FA2H: variants seen among roughly 807,000 people sequenced by gnomAD.
The protein encoded by FA2H is fatty acid alpha-hydroxylase.
A neutral mutation model predicts 44.9 loss-of-function variants in FA2H; 22 were observed. The observed-to-expected ratio is 0.49, with a 90% CI of 0.35 to 0.70. FA2H has a LOEUF of 0.70. Ranked by LOEUF, FA2H falls within the 30% of genes least tolerant of loss-of-function variation. FA2H has a pLI of 0.01. For missense variants in FA2H, 501 were observed against 504.9 expected, an observed-to-expected ratio of 0.99 and a Z score of 0.07; for synonymous variants, 243 against 213.2, an observed-to-expected ratio of 1.14 and a Z score of -1.22.
chr16:74,718,885 G>T, intron 5 of FA2H, 103 bp downstream of exon 5: 1 of 1,382,746 alleles, frequency 7.2e-7, no homozygotes, highest in Non-Finnish European at 1.0e-6. Context: ...CCAACCCACA[G>T]CCAGACTCCC....
chr16:74,713,977 C>T lies in FA2H; in HGVS notation c.*213G>A, dbSNP rs1961632584. On this transcript the variant is annotated 3_prime_UTR_variant, in exon 7 of 7. Coordinates refer to ENST00000219368, the MANE Select transcript of FA2H (RefSeq NM_024306.5). ...CAGGAAGAAGTGGGTCACCAAGGGC[C>T]ACCTGGCCACCAAGTGGATGTGACC... The T allele has an allele frequency of 7.0e-6, 4 of 574,482 alleles. No homozygotes were observed. The highest frequency in any genetic ancestry group is 6.4e-5 in the South Asian group (3 of 47,154). The allele number at this position is 574,482 out of a possible 1,614,324, so 35.6% of individuals were successfully genotyped here. A position where few individuals can be genotyped will look rare whatever the true frequency, so the allele number is the denominator to read the frequency against.
At chr16:74,773,465 T>C (rs901563527) in intron 1 of FA2H, among the ~76,000 whole-genome samples, 2 of 152,138 alleles carry the variant, frequency 1.3e-5, no homozygotes, top group East Asian at 3.9e-4. Flanking sequence ...GGAACTACTG[T>C]ATATCTAAGC....
Position 74,713,841 on chromosome 16 carries a change from G to T in FA2H, c.*349C>A. On this transcript the variant is annotated 3_prime_UTR_variant, in exon 7 of 7. Transcript: ENST00000219368. ...GCAGCCCATGAGGCTAAGGCACAAG[G>T]GTGACACAGGTGGCCACGAGGGCTC... 3 of 304,236 alleles carry T rather than the reference G, an allele frequency of 9.9e-6. No homozygotes were observed. The East Asian group carries it at 2.0e-4, about 21-fold the overall frequency. 18.8% of individuals were successfully genotyped at this position (304,236 alleles called of 1,614,324 possible).
In FA2H at chr16:74,774,635, G is replaced by T. The variant is rs1435457299; in HGVS notation, c.121C>A (p.Arg41=). 3 of 1,512,486 alleles carry T rather than the reference G, an allele frequency of 2.0e-6. No individual in the cohort carries two copies. The highest frequency in any genetic ancestry group is 2.1e-5 in the Admixed American group (1 of 48,754). 93.7% of individuals were successfully genotyped at this position (1,512,486 alleles called of 1,614,324 possible). A position where few individuals can be genotyped will look rare whatever the true frequency, so the allele number is the denominator to read the frequency against. Residue 41 remains arginine, a synonymous_variant, in exon 1 of 7, where the codon CGG becomes AGG. Coordinates refer to ENST00000219368, the MANE Select transcript of FA2H (RefSeq NM_024306.5). ...AGCTGCTCGCCCCCCGGGTGGTGCCGCACGAAGCTGGAGAGGTCGTAGAGG... is the reference window on the plus strand; with the variant it reads ...AGCTGCTCGCCCCCCGGGTGGTGCCTCACGAAGCTGGAGAGGTCGTAGAGG... ...ARLYDLSSFV[R]HHPGGEQLLR...
chr16:74,717,681 G>A (rs566769506), intron 5 of FA2H, among the ~76,000 whole-genome samples: 54 of 152,306 alleles, frequency 3.5e-4, no homozygotes, highest in Non-Finnish European at 4.9e-4. Context: ...TGGAGCCCAC[G>A]TGGCTACAGG....
rs527399594 is a variant in FA2H, at chr16:74,735,374, C to T, written c.363+4649G>A. ...AAGCTGAAGTCCACAGAGGTGGTTC[C>T]GGATCACCTGCCTCCTCCCCCTGAG... On this transcript the variant is annotated intron_variant, in intron 2 of 6. Coordinates refer to ENST00000219368, the MANE Select transcript of FA2H (RefSeq NM_024306.5). Among the ~76,000 whole-genome samples the T allele has an allele frequency of 1.3e-4, 20 of 152,258 alleles. No individual in the cohort carries two copies. In the South Asian group the frequency reaches 3.3e-3, roughly 25 times the overall value.
At chr16:74,736,460 C>T (rs1455581153) in intron 2 of FA2H, among the ~76,000 whole-genome samples, 1 of 152,164 alleles carries the variant, frequency 6.6e-6, no homozygotes, top group East Asian at 1.9e-4. Flanking sequence ...TGGATGCTAT[C>T]TTCCTGAGTT....
chr16:74,722,365 G>A (rs1052629349), intron 4 of FA2H, among the ~76,000 whole-genome samples: 6 of 151,742 alleles, frequency 4.0e-5, no homozygotes, highest in Non-Finnish European at 7.4e-5. Context: ...GTGAGACCCC[G>A]CCTCAACAAA....
chr16:74,744,509 T>C (rs1597559794), intron 1 of FA2H, among the ~76,000 whole-genome samples: 1 of 148,294 alleles, frequency 6.7e-6, no homozygotes, highest in African/African-American at 2.5e-5. Flanking sequence ...TGGAGGGCAG[T>C]GGCATGATCT....
chr16:74,733,935 G>A (rs1320020645), intron 2 of FA2H, among the ~76,000 whole-genome samples: 2 of 152,212 alleles, frequency 1.3e-5, no homozygotes, highest in African/African-American at 4.8e-5. Flanking sequence ...TGCCTGGGAG[G>A]AGGGGTCCTG....
Position 74,759,951 on chromosome 16 carries a change from C to T in FA2H, c.270+14535G>A, listed in dbSNP as rs1441683047. On this transcript the variant is annotated intron_variant, in intron 1 of 6. Transcript: ENST00000219368. ...AGGAGGTGAGGATCTACAAAGTTAC[C>T]TTGTCCTGGACAGCCCCTCCTTAGG... Among the ~76,000 whole-genome samples the T allele has an allele frequency of 2.0e-5, 3 of 152,154 alleles. No individual in the cohort carries two copies. In the East Asian group the frequency reaches 5.8e-4, roughly 29 times the overall value.
chr16:74,774,394 G>A, intron 1 of FA2H, 92 bp downstream of exon 1: 1 of 1,274,014 alleles, frequency 7.8e-7, no homozygotes, highest in Non-Finnish European at 1.0e-6. Flanking sequence ...GTCACCTTGG[G>A]TCCTGCTAGA....
At chr16:74,720,830 A>G (rs1961819611) in intron 4 of FA2H, among the ~76,000 whole-genome samples, 1 of 152,242 alleles carries the variant, frequency 6.6e-6, no homozygotes, top group Admixed American at 6.5e-5. Context: ...CAATTGAATC[A>G]TATGACATAT....
intron 1 of FA2H, among the ~76,000 whole-genome samples, chr16:74,741,808 A>ATATATATATGTATGTGTG (rs1491185782): frequency 2.1e-5 from 1 of 48,416 alleles, no homozygotes; most frequent in Non-Finnish European, 3.5e-5. Context: ...ATATATATAT[A>ATATATATATGTATGTGTG]TGTGTGTGTG....
chr16:74,774,728 A>T lies in FA2H; in HGVS notation c.28T>A (p.Ser10Thr). MAPAPPPAA[S>T]FSPSEVQRRL... ...CGCTGGACCTCGGAGGGCGAGAAGG[A>T]GGCGGCGGGGGGCGGAGCGGGGGCC... The change falls in exon 1 of 7, where the codon TCC becomes ACC. Residue 10 changes from serine (S) to threonine (T), a missense_variant. By Grantham distance (58) the Ser-to-Thr change is moderately conservative. Transcript: ENST00000219368. 1.5e-6 allele frequency: 2 copies of T among 1,329,102 alleles called. No homozygotes were observed. Among genetic ancestry groups the T allele is most frequent in the Non-Finnish European group, 1.9e-6 (2 of 1,049,868 alleles). The allele number at this position is 1,329,102 out of a possible 1,614,324, so 82.3% of individuals were successfully genotyped here.
intron 2 of FA2H, among the ~76,000 whole-genome samples, chr16:74,730,534 G>T (rs1216645602): frequency 6.7e-6 from 1 of 149,680 alleles, no homozygotes; most frequent in African/African-American, 2.5e-5. Context: ...CTCTGCCCTA[G>T]GTCTGTAAAC....
At chr16:74,757,652 G>A (rs1962633198) in intron 1 of FA2H, among the ~76,000 whole-genome samples, 1 of 152,096 alleles carries the variant, frequency 6.6e-6, no homozygotes, top group Admixed American at 6.6e-5. Flanking sequence ...TATGTCATTG[G>A]GTGAAAAAGA....
At chr16:74,719,210 G>A (rs760590903) in intron 4 of FA2H, 50 bp from the exon 5 acceptor site, 12 of 1,540,258 alleles carry the variant, frequency 7.8e-6, no homozygotes, top group Middle Eastern at 1.9e-4. Context: ...TAGCAGCCTG[G>A]TAGCTCCAGG....
At chr16:74,757,672 G>T (rs1244261051) in intron 1 of FA2H, among the ~76,000 whole-genome samples, 1 of 152,206 alleles carries the variant, frequency 6.6e-6, no homozygotes, top group African/African-American at 2.4e-5. Flanking sequence ...ACAGCAAGTT[G>T]TCAAGCAGTC....
Sources: allele counts gnomAD v4.1 joint callset (sites outside exome capture counted in the v4.1 genomes callset), GRCh38; gene constraint gnomAD v4.1.1; transcripts MANE v1.5; gene names NCBI Gene and HGNC (gene_info 2026-07-23, HGNC 2026-07-21).